The following FIG4 variants were observed in gnomAD, a reference collection of about 807,000 sequenced individuals.
FIG4 encodes FIG4 phosphoinositide 5-phosphatase.
A neutral mutation model predicts 118.6 loss-of-function variants in FIG4; 112 were observed. The ratio of observed to expected loss-of-function variants is 0.94; its 90% CI spans 0.81 to 1.11. The LOEUF (loss-of-function observed/expected upper bound fraction) is 1.11, where lower values mean the gene tolerates loss of function less well. Ranked by LOEUF, FIG4 falls within the 50% of genes least tolerant of loss-of-function variation. FIG4 has a pLI of 0.00. For synonymous variants in FIG4, 369 were observed against 381.2 expected (o/e 0.97, Z 0.37); for missense variants, 969 against 1,111.7 (o/e 0.87, Z 1.83).
intron 22 of FIG4, among the ~76,000 whole-genome samples, chr6:109,817,165 C>T (rs1458228137): frequency 6.6e-6 from 1 of 152,114 alleles, no homozygotes; most frequent in African/African-American, 2.4e-5. Context: ...TACCACCTGT[C>T]CTTTGTTGGC....
intron 3 of FIG4, among the ~76,000 whole-genome samples, chr6:109,723,617 T>C (rs961762887): frequency 2.0e-5 from 3 of 152,172 alleles, no homozygotes; most frequent in Non-Finnish European, 4.4e-5. Flanking sequence ...AGTTATCATA[T>C]AAAATGGCTT....
intron 22 of FIG4, among the ~76,000 whole-genome samples, chr6:109,824,297 G>A (rs571969064): frequency 1.8e-4 from 28 of 152,332 alleles, no homozygotes; most frequent in South Asian, 4.1e-4. Context: ...TAGATGAGTC[G>A]CAGAATTCCG....
intron 15 of FIG4, among the ~76,000 whole-genome samples, chr6:109,769,456 T>C (rs1411953941): frequency 6.6e-6 from 1 of 152,122 alleles, no homozygotes; most frequent in East Asian, 1.9e-4. Context: ...TTAAGAAGCA[T>C]GATATCATTG....
At chr6:109,729,157 A>G (rs1775906854) in intron 4 of FIG4, among the ~76,000 whole-genome samples, 1 of 152,192 alleles carries the variant, frequency 6.6e-6, no homozygotes, top group African/African-American at 2.4e-5. Flanking sequence ...TTATCTCTGT[A>G]ATGCATGATT....
chr6:109,774,151 A>T (rs1417194325), intron 15 of FIG4, among the ~76,000 whole-genome samples: 2 of 152,194 alleles, frequency 1.3e-5, no homozygotes, highest in Non-Finnish European at 2.9e-5. Flanking sequence ...TAATTATACA[A>T]AGTACAGAAT....
At chr6:109,752,409 G>A (rs1402352106) in intron 10 of FIG4, among the ~76,000 whole-genome samples, 4 of 151,582 alleles carry the variant, frequency 2.6e-5, no homozygotes, top group African/African-American at 4.9e-5. Flanking sequence ...CTGAGGAATC[G>A]CCACAGTGAC....
intron 3 of FIG4, among the ~76,000 whole-genome samples, chr6:109,722,867 G>A (rs1462187764): frequency 6.6e-6 from 1 of 152,154 alleles, no homozygotes; most frequent in Non-Finnish European, 1.5e-5. Flanking sequence ...ACAACACAGA[G>A]TTGGTGGGGA....
intron 21 of FIG4, among the ~76,000 whole-genome samples, chr6:109,794,221 AGATT>A (rs1269956424): frequency 6.6e-6 from 1 of 152,228 alleles, no homozygotes; most frequent in Non-Finnish European, 1.5e-5. Flanking sequence ...ATTCTGTAGT[AGATT>A]AAAAAGATAT....
chr6:109,696,542 T>C lies in FIG4; in HGVS notation c.66+5041T>C, dbSNP rs564247468. Reference sequence around the variant, plus strand: ...AAAAATGTGGTATATATACACACAATGGAATACTATTCAGCCAGGAAAAAG... The same window carrying C: ...AAAAATGTGGTATATATACACACAACGGAATACTATTCAGCCAGGAAAAAG... On this transcript the variant is annotated intron_variant, in intron 1 of 22. Transcript: ENST00000230124. Among the ~76,000 whole-genome samples the C allele has an allele frequency of 2.0e-5, 3 of 152,252 alleles. No individual in the cohort carries two copies. In the South Asian group the frequency reaches 6.2e-4, roughly 32 times the overall value.
rs750586360 is a variant in FIG4 at position 109,777,097 on chromosome 6, T to G, written c.1889+37T>G. ...CCTAGTCTGTAATATAAACTCCCATTTGGTGTTATTTTGAATATGAGATAC... is the reference window on the plus strand; with the variant it reads ...CCTAGTCTGTAATATAAACTCCCATGTGGTGTTATTTTGAATATGAGATAC... On this transcript the variant is annotated intron_variant, in intron 16 of 22. Transcript: ENST00000230124. 5.7e-6 allele frequency: 9 copies of G among 1,569,660 alleles called. No homozygotes were observed. In the East Asian group the frequency reaches 2.0e-4, roughly 35 times the overall value.
chr6:109,756,875 G>C (rs1257096672), intron 10 of FIG4, among the ~76,000 whole-genome samples: 1 of 152,086 alleles, frequency 6.6e-6, no homozygotes, highest in Non-Finnish European at 1.5e-5. Context: ...TTTGTGTTTG[G>C]TTTGAATTTC....
rs1053820039 is a variant in FIG4 at position 109,691,300 on chromosome 6, A to G, written c.-136A>G. The G allele has an allele frequency of 2.7e-6, 2 of 733,348 alleles. No individual in the cohort carries two copies. Among genetic ancestry groups the G allele is most frequent in the Non-Finnish European group, 4.9e-6 (2 of 411,862 alleles). The allele number at this position is 733,348 out of a possible 1,614,324, so 45.4% of individuals were successfully genotyped here. On this transcript the variant is annotated 5_prime_UTR_variant, in exon 1 of 23. Coordinates refer to ENST00000230124, the MANE Select transcript of FIG4 (RefSeq NM_014845.6). Reference sequence around the variant, plus strand: ...CGCAGGGATCCGGAAACACCTGATCATCTATAGGTTTAGTGCCTAATGGGT... The same window carrying G: ...CGCAGGGATCCGGAAACACCTGATCGTCTATAGGTTTAGTGCCTAATGGGT...
rs557946459 is a variant in FIG4 at position 109,756,318 on chromosome 6, T to G, written c.1138-3932T>G. Among the ~76,000 whole-genome samples the G allele has an allele frequency of 1.4e-4, 22 of 152,318 alleles. 2 individuals are homozygous for G. In the South Asian group the frequency reaches 4.3e-3, roughly 30 times the overall value. On this transcript the variant is annotated intron_variant, in intron 10 of 22. Transcript: ENST00000230124. ...TGCCAAGAGATCCACTGTTAGTCTG[T>G]TGGGCTTCCCTTTGTGGGTAACCTG... is the stretch of plus-strand genomic sequence containing the variant.
chr6:109,814,530 A>G (rs1178406584), intron 22 of FIG4, among the ~76,000 whole-genome samples: 6 of 152,086 alleles, frequency 3.9e-5, no homozygotes, highest in Non-Finnish European at 8.8e-5. Context: ...TAATTAATAA[A>G]TATTTTATGG....
chr6:109,768,711 G>A (rs1777356793), intron 15 of FIG4, among the ~76,000 whole-genome samples: 1 of 152,124 alleles, frequency 6.6e-6, no homozygotes, highest in South Asian at 2.1e-4. Flanking sequence ...CAAATGTAAT[G>A]TAATAATGGG....
chr6:109,717,008 C>CTT (rs58004392), intron 3 of FIG4, among the ~76,000 whole-genome samples: 4,251 of 138,224 alleles, frequency 0.031, 216 homozygotes, highest in African/African-American at 0.1. Flanking sequence ...TGGATGACTG[C>CTT]TTTTTTTTTT....
intron 15 of FIG4, among the ~76,000 whole-genome samples, chr6:109,768,264 C>T (rs1777343994): frequency 6.6e-6 from 1 of 151,992 alleles, no homozygotes; most frequent in African/African-American, 2.4e-5. Flanking sequence ...ACCTAAGGAG[C>T]CAAGGAAGGA....
At chr6:109,799,457 T>C (rs957138362) in intron 22 of FIG4, among the ~76,000 whole-genome samples, 1 of 152,242 alleles carries the variant, frequency 6.6e-6, no homozygotes, top group Non-Finnish European at 1.5e-5. Context: ...TTTTTAGATT[T>C]CTAAAGCTAT....
chr6:109,725,157 C>A (rs1775763466), intron 3 of FIG4, among the ~76,000 whole-genome samples: 1 of 152,030 alleles, frequency 6.6e-6, no homozygotes, highest in South Asian at 2.1e-4. Flanking sequence ...CATAGGTATA[C>A]ACACATGCTG....
Sources: gnomAD v4.1 joint callset for allele counts (sites outside exome capture counted in the v4.1 genomes callset) on GRCh38, gnomAD v4.1.1 for gene constraint, MANE v1.5 for transcripts, NCBI Gene and HGNC (gene_info 2026-07-23, HGNC 2026-07-21) for gene names.